Variants in PPFIBP2 observed in about 807,000 individuals in gnomAD.
PPFIBP2 encodes liprin-beta-2.
Under a neutral mutation model 118.3 loss-of-function variants are expected in PPFIBP2, and 118 were observed. The observed-to-expected ratio is 1.00, with a 90% confidence interval of 0.86 to 1.16. The LOEUF (loss-of-function observed/expected upper bound fraction) is 1.16. PPFIBP2 is among the 50% of genes most tolerant of loss of function. The pLI is 0.00. For synonymous variants in PPFIBP2, 414 were observed against 397.4 expected (o/e 1.04, Z -0.50); for missense variants, 1,195 against 1,073.1 (o/e 1.11, Z -1.59).
chr11:7,649,278 A>AGTG, intron 20 of PPFIBP2, 43 bp downstream of exon 20: 1 of 1,504,726 alleles, frequency 6.6e-7, no homozygotes, highest in Non-Finnish European at 9.2e-7. Flanking sequence ...CCCTGTGAGC[A>AGTG]CTCAGCTCAC....
chr11:7,578,692 G>A (rs77169117), intron 3 of PPFIBP2, among the ~76,000 whole-genome samples: 4 of 152,160 alleles, frequency 2.6e-5, no homozygotes, highest in African/African-American at 7.2e-5. Context: ...CAGAAGACAC[G>A]GGACTGCTGT....
Position 7,625,764 on chromosome 11 carries a change from G to A in PPFIBP2, c.712-13G>A, listed in dbSNP as rs756434897. ...CCTTCTGACCTGGTAGGGATCCTCT[G>A]TTGCTCTTCCAGGCTGAAGTCGCCC... On this transcript the variant is annotated splice_polypyrimidine_tract_variant and intron_variant, in intron 7 of 23. Transcript: ENST00000299492. The A allele has an allele frequency of 1.9e-6, 3 of 1,612,482 alleles. No individual in the cohort carries two copies. The highest frequency in any genetic ancestry group is 2.7e-5 in the African/African-American group (2 of 74,922).
the PPFIBP2 span, chr11:7,666,592 C>G: frequency 7.1e-7 from 1 of 1,415,940 alleles, no homozygotes; most frequent in Non-Finnish European, 1.0e-6. Flanking sequence ...CCAGGGCCAT[C>G]CTCTTGTTCC....
chr11:7,655,469 C>A (rs1854592929), downstream of PPFIBP2: 1 of 1,289,832 alleles, frequency 7.8e-7, no homozygotes, highest in South Asian at 1.2e-5. Flanking sequence ...GCAGATAGGG[C>A]TCCTCTCCCA....
At chr11:7,566,919 C>T (rs1011194987) in intron 3 of PPFIBP2, among the ~76,000 whole-genome samples, 2 of 152,164 alleles carry the variant, frequency 1.3e-5, no homozygotes, top group African/African-American at 4.8e-5. Flanking sequence ...ATGCACCTCT[C>T]CCACTCTAGT....
chr11:7,656,768 G>GT (rs752235229), downstream of PPFIBP2: 12 of 1,289,858 alleles, frequency 9.3e-6, no homozygotes, highest in Non-Finnish European at 1.2e-5. Context: ...ACTCTCGCCT[G>GT]CCTGCCCCCA....
In PPFIBP2 at chr11:7,634,512, C is replaced by G. The variant is rs1430276082; in HGVS notation, c.1154C>G (p.Ser385Cys). The part of the protein sequence containing the change: ...SLETRAQKKL[S>C]CSLEDLRSES... ...TTTTTCAGGGCTCAGAAAAAGCTCT[C>G]TTGTAGTCTAGAAGACTTGAGAAGT... Residue 385 changes from serine to cysteine, a missense_variant, in exon 13 of 24, where the codon TCT becomes TGT. Coordinates refer to ENST00000299492, the MANE Select transcript of PPFIBP2 (RefSeq NM_003621.5). 1 of 1,612,896 alleles carries G rather than the reference C, an allele frequency of 6.2e-7. No individual in the cohort carries two copies. Among genetic ancestry groups the G allele is most frequent in the African/African-American group, 1.3e-5 (1 of 74,852 alleles).
intron 12 of PPFIBP2, among the ~76,000 whole-genome samples, chr11:7,634,084 TAAG>T (rs1851128896): frequency 6.6e-6 from 1 of 152,134 alleles, no homozygotes; most frequent in Admixed American, 6.5e-5. Flanking sequence ...ATCTCTACTC[TAAG>T]GAGGCCCAGG....
In PPFIBP2 at chr11:7,649,640, C is replaced by T. The variant is rs757679724; in HGVS notation, c.2107C>T (p.Arg703Trp). The T allele has an allele frequency of 8.1e-6, 13 of 1,614,106 alleles. No homozygotes were observed. Among genetic ancestry groups the T allele is most frequent in the Middle Eastern group, 1.6e-4 (1 of 6,084 alleles). ...NKFNPHCLHRRPADESNLSPS... is the reference protein window; with the variant it reads ...NKFNPHCLHRWPADESNLSPS... ...GTTCAACCCCCACTGCCTGCACCGG[C>T]GGCCAGCTGATGAGGTGAGACCACA... Residue 703 changes from arginine (R) to tryptophan (W), a missense_variant, in exon 21 of 24, where the codon CGG becomes TGG. Arg to Trp is a moderately radical substitution (Grantham distance 101, BLOSUM62 -3). Coordinates refer to ENST00000299492, the MANE Select transcript of PPFIBP2 (RefSeq NM_003621.5).
At chr11:7,597,770 C>T in intron 5 of PPFIBP2, 97 bp downstream of exon 5, 1 of 1,014,026 alleles carries the variant, frequency 9.9e-7, no homozygotes, top group Non-Finnish European at 1.5e-6. Flanking sequence ...TGTCTGCTTT[C>T]CCATCCTGCC....
At chr11:7,520,009 A>G (rs1324482754) in intron 1 of PPFIBP2, among the ~76,000 whole-genome samples, 1 of 152,186 alleles carries the variant, frequency 6.6e-6, no homozygotes, top group Non-Finnish European at 1.5e-5. Flanking sequence ...TTTCCAGCAT[A>G]GAGGGGTAGG....
the PPFIBP2 span, chr11:7,666,851 TCGGA>T: frequency 3.7e-6 from 1 of 270,556 alleles, no homozygotes; most frequent in Non-Finnish European, 7.2e-6. Context: ...ATGGCTTCAC[TCGGA>T]GCTCCAGCCC....
intron 6 of PPFIBP2, among the ~76,000 whole-genome samples, chr11:7,611,024 T>G (rs1446919949): frequency 6.6e-6 from 1 of 152,244 alleles, no homozygotes; most frequent in Non-Finnish European, 1.5e-5. Context: ...TCAGAGCTCC[T>G]TTGAGAGCAG....
intron 6 of PPFIBP2, among the ~76,000 whole-genome samples, chr11:7,618,887 T>G (rs1271286602): frequency 7.7e-5 from 3 of 38,800 alleles, no homozygotes; most frequent in African/African-American, 3.8e-4. Context: ...ATCCAGAAGT[T>G]TTTTTTTTTT....
chr11:7,666,182 G>T, the PPFIBP2 span: 2 of 597,748 alleles, frequency 3.3e-6, no homozygotes, highest in East Asian at 5.5e-5. Context: ...GTTCACAGTG[G>T]ACAGGGGCAG....
intron 1 of PPFIBP2, among the ~76,000 whole-genome samples, chr11:7,542,327 CAGAT>C (rs1278589907): frequency 6.6e-6 from 1 of 152,222 alleles, no homozygotes; most frequent in African/African-American, 2.4e-5. Context: ...AAAGAGGAGA[CAGAT>C]GCCGCATTAA....
chr11:7,549,631 A>G (rs1852731305), intron 2 of PPFIBP2, 92 bp downstream of exon 2: 1 of 1,183,398 alleles, frequency 8.5e-7, no homozygotes, highest in East Asian at 2.7e-5. Flanking sequence ...TTTTTGGCAT[A>G]GAGAAAATCC....
At chr11:7,619,632 C>CAG (rs1001632032) in intron 6 of PPFIBP2, among the ~76,000 whole-genome samples, 4 of 152,190 alleles carry the variant, frequency 2.6e-5, no homozygotes, top group Non-Finnish European at 5.9e-5. Flanking sequence ...ATTGCTAGAC[C>CAG]AGAGTGGTGG....
rs547372646 is a variant in PPFIBP2, at chr11:7,561,818, G to A, written c.65-3735G>A. On this transcript the variant is annotated intron_variant, in intron 2 of 23. Transcript: ENST00000299492. ...AGGAATTCAGGAGCGGTTTAGTTGG[G>A]TGGTTCTGGCTTAGGTCTCTTAAAG... Among the ~76,000 whole-genome samples the A allele has an allele frequency of 1.7e-3, 262 of 152,302 alleles. 2 individuals carry two copies. Among genetic ancestry groups the A allele is most frequent in the Middle Eastern group, 0.017 (5 of 294 alleles).
Sources: gnomAD v4.1 joint callset for allele counts (sites outside exome capture counted in the v4.1 genomes callset) on GRCh38, gnomAD v4.1.1 for gene constraint, MANE v1.5 for transcripts, NCBI Gene and HGNC (gene_info 2026-07-23, HGNC 2026-07-21) for gene names.